The following PRDM16 variants were observed in gnomAD, a reference collection of about 807,000 sequenced individuals.
PRDM16 encodes histone-lysine N-methyltransferase PRDM16.
Under a neutral mutation model 110.6 loss-of-function variants are expected in PRDM16, and 23 were observed. That is an observed-to-expected ratio of 0.21 (90% CI 0.15 to 0.29). PRDM16 has a LOEUF of 0.29. Ranked by LOEUF, PRDM16 falls within the 10% of genes least tolerant of loss-of-function variation. The pLI, the probability that PRDM16 is intolerant of heterozygous loss-of-function variation, is 1.00. For synonymous variants in PRDM16, 799 were observed against 781.8 expected (o/e 1.02, Z -0.37); for missense variants, 1,615 against 1,794.3 (o/e 0.90, Z 1.81).
Position 3,432,151 on chromosome 1 carries a change from G to A in PRDM16, c.3696+11G>A, listed in dbSNP as rs775474986. Reference sequence around the variant, plus strand: ...CAGGCTAAGAACCAGGTAGGTACCCGCCAGAGCCCCTCCCCCACCCCACCT... The same window carrying A: ...CAGGCTAAGAACCAGGTAGGTACCCACCAGAGCCCCTCCCCCACCCCACCT... On this transcript the variant is annotated intron_variant, in intron 16 of 16. Transcript: ENST00000270722. The A allele has an allele frequency of 4.2e-5, 67 of 1,609,314 alleles. No individual in the cohort carries two copies. The East Asian group carries it at 5.4e-4, about 13-fold the overall frequency.
intron 8 of PRDM16, among the ~76,000 whole-genome samples, chr1:3,408,169 T>A (rs1643593247): frequency 6.6e-6 from 1 of 152,178 alleles, no homozygotes; most frequent in South Asian, 2.1e-4. Context: ...CAGGCGCTCA[T>A]GGCCAGACTC....
At chr1:3,368,845 T>G (rs1033583991) in intron 3 of PRDM16, among the ~76,000 whole-genome samples, 1 of 152,114 alleles carries the variant, frequency 6.6e-6, no homozygotes, top group African/African-American at 2.4e-5. Flanking sequence ...AAAATAGCAA[T>G]AGCAAAATCC....
rs546187086 is a variant in PRDM16 at position 3,090,624 on chromosome 1, C to G, written c.37+21328C>G. Among the ~76,000 whole-genome samples, 30 of 152,346 alleles carry G rather than the reference C, an allele frequency of 2.0e-4. No homozygotes were observed. In the South Asian group the frequency reaches 3.7e-3, roughly 19 times the overall value. ...CCACGCCCGAGGGCTTCTCACCTGA[C>G]TCTGTCCCTGGGCAGACTCGGCCAC... On this transcript the variant is annotated intron_variant, in intron 1 of 16. Transcript: ENST00000270722.
chr1:3,181,167 C>G (rs1644162290), intron 1 of PRDM16, among the ~76,000 whole-genome samples: 1 of 83,950 alleles, frequency 1.2e-5, no homozygotes, highest in Non-Finnish European at 2.8e-5. Flanking sequence ...TACACGCGGT[C>G]TTACGGTCTT....
chr1:3,248,098 C>T (rs1205557520), intron 3 of PRDM16, among the ~76,000 whole-genome samples: 3 of 152,210 alleles, frequency 2.0e-5, no homozygotes, highest in African/African-American at 4.8e-5. Flanking sequence ...GGATGGAAGA[C>T]ATTATTAAGG....
intron 2 of PRDM16, among the ~76,000 whole-genome samples, chr1:3,234,987 T>G (rs1006914674): frequency 2.6e-5 from 4 of 152,092 alleles, no homozygotes; most frequent in African/African-American, 9.7e-5. Context: ...AAAGTGTGAG[T>G]GGGTTGGGTC....
At chr1:3,237,650 C>T (rs1369648216) in intron 2 of PRDM16, among the ~76,000 whole-genome samples, 10 of 152,226 alleles carry the variant, frequency 6.6e-5, no homozygotes, top group Admixed American at 6.5e-4. Flanking sequence ...AAGAGCAGTG[C>T]CCATTCAATC....
rs1475589012 is a variant in PRDM16, at chr1:3,069,480, G to A, written c.37+184G>A. Among the ~76,000 whole-genome samples, 5 of 145,036 alleles carry A rather than the reference G, an allele frequency of 3.4e-5. No individual in the cohort carries two copies. The highest frequency in any genetic ancestry group is 6.1e-5 in the Non-Finnish European group (4 of 65,474). On this transcript the variant is annotated intron_variant, in intron 1 of 16. Coordinates refer to ENST00000270722, the MANE Select transcript of PRDM16 (RefSeq NM_022114.4). The surrounding 1 kb of genome is among the most constrained non-coding windows in gnomAD (Gnocchi z 6.1). The stretch of plus-strand genomic sequence containing the variant: ...CTCCGGGGCGACCGGGCTCGGCGCG[G>A]AGGCTCGGGGCGCCCGGGCCGCGCG...
Position 3,081,564 on chromosome 1 carries a change from C to G in PRDM16, c.37+12268C>G, listed in dbSNP as rs566545813. Among the ~76,000 whole-genome samples, 34 of 152,348 alleles carry G rather than the reference C, an allele frequency of 2.2e-4. No individual in the cohort carries two copies. The South Asian group carries it at 3.9e-3, about 18-fold the overall frequency. On this transcript the variant is annotated intron_variant, in intron 1 of 16. Transcript: ENST00000270722. The surrounding 1 kb of genome is among the most constrained non-coding windows in gnomAD (Gnocchi z 4.6). ...CAGAGTATAGGCTACTGCTTGGCATCACCTACAGGGATGGCGGCGGCCAGG... is the reference window on the plus strand; with the variant it reads ...CAGAGTATAGGCTACTGCTTGGCATGACCTACAGGGATGGCGGCGGCCAGG...
At chr1:3,225,037 G>T (rs1319393504) in intron 2 of PRDM16, among the ~76,000 whole-genome samples, 5 of 152,206 alleles carry the variant, frequency 3.3e-5, no homozygotes, top group Non-Finnish European at 7.3e-5. Context: ...TGGGGGCGAG[G>T]AGCGCCTTCA....
chr1:3,374,142 C>T (rs535814582), intron 3 of PRDM16, among the ~76,000 whole-genome samples: 6 of 152,166 alleles, frequency 3.9e-5, no homozygotes, highest in East Asian at 1.9e-4. Flanking sequence ...GGGTCCCAGC[C>T]GCTGACCGCC....
Position 3,192,985 on chromosome 1 carries a change from T to A in PRDM16, c.387+6511T>A, listed in dbSNP as rs138883969. 3.0e-3 allele frequency among the ~76,000 whole-genome samples: 452 copies of A among 151,976 alleles called. 4 individuals are homozygous for A. The highest frequency in any genetic ancestry group is 0.011 in the African/African-American group (438 of 41,414). The stretch of plus-strand genomic sequence containing the variant: ...CTGGTGATTCATGTGCACAGCTGAG[T>A]TTAGGAAGGACCCGGCCAGACAGCG... On this transcript the variant is annotated intron_variant, in intron 2 of 16. Coordinates refer to ENST00000270722, the MANE Select transcript of PRDM16 (RefSeq NM_022114.4).
chr1:3,069,979 A>C lies in PRDM16; in HGVS notation c.37+683A>C, dbSNP rs1223019338. Among the ~76,000 whole-genome samples the C allele has an allele frequency of 1.3e-5, 2 of 151,820 alleles. No individual in the cohort carries two copies. The highest frequency in any genetic ancestry group is 3.9e-4 in the East Asian group (2 of 5,074). On this transcript the variant is annotated intron_variant, in intron 1 of 16. Transcript: ENST00000270722. This position sits in a 1 kb window ranked among gnomAD's most constrained non-coding sequence, Gnocchi z 6.1. Reference sequence around the variant, plus strand: ...CCCGGGCTGGGAACTGTGGTCGTGAAGTTTATCCCCGGCTGTGCCCCGCGT... The same window carrying C: ...CCCGGGCTGGGAACTGTGGTCGTGACGTTTATCCCCGGCTGTGCCCCGCGT...
At chr1:3,119,914 G>A (rs1262305289) in intron 1 of PRDM16, among the ~76,000 whole-genome samples, 2 of 152,280 alleles carry the variant, frequency 1.3e-5, no homozygotes, top group Admixed American at 6.5e-5. Flanking sequence ...GGATCCCTGC[G>A]GCCCCACAGC....
intron 3 of PRDM16, among the ~76,000 whole-genome samples, chr1:3,247,250 A>G (rs1324246874): frequency 6.6e-6 from 1 of 152,160 alleles, no homozygotes; most frequent in Non-Finnish European, 1.5e-5. Context: ...CCTCAGTGAA[A>G]TGTGACGAAG....
intron 1 of PRDM16, among the ~76,000 whole-genome samples, chr1:3,179,926 C>T (rs1644131102): frequency 6.6e-6 from 1 of 152,088 alleles, no homozygotes; most frequent in Non-Finnish European, 1.5e-5. Context: ...CCCCAGGCTG[C>T]CACCGGATTT....
At chr1:3,357,564 C>G (rs952065037) in intron 3 of PRDM16, among the ~76,000 whole-genome samples, 40 of 139,240 alleles carry the variant, frequency 2.9e-4, no homozygotes, top group Non-Finnish European at 4.6e-4. Context: ...CCGTTCCCCC[C>G]ACGGGCCCCC....
rs1426727129 is a variant in PRDM16, at chr1:3,432,034, A to G, written c.3590A>G (p.Asp1197Gly). Residue 1197 changes from aspartate to glycine, a missense_variant, in exon 16 of 17, where the codon GAC (aspartate) becomes GGC (glycine). Physicochemically the swap from Asp to Gly is moderately conservative, Grantham distance 94. Transcript: ENST00000270722. ...EPMPTFGKGL[D>G]LRRAAEEAFE... Reference sequence around the variant, plus strand: ...ATGCCGACTTTTGGGAAGGGGCTGGACCTCCGCAGAGCAGCTGAGGAAGCA... The same window carrying G: ...ATGCCGACTTTTGGGAAGGGGCTGGGCCTCCGCAGAGCAGCTGAGGAAGCA... 3 of 1,614,034 alleles carry G rather than the reference A, an allele frequency of 1.9e-6. No individual in the cohort carries two copies. Among genetic ancestry groups the G allele is most frequent in the East Asian group, 2.2e-5 (1 of 44,874 alleles).
chr1:3,302,041 C>T (rs1217872236), intron 3 of PRDM16, among the ~76,000 whole-genome samples: 1 of 152,184 alleles, frequency 6.6e-6, no homozygotes, highest in Non-Finnish European at 1.5e-5. Context: ...TTATGCTCAG[C>T]TGCAGTTCTC....
Sources: gnomAD v4.1 joint callset for allele counts (sites outside exome capture counted in the v4.1 genomes callset) on GRCh38, gnomAD v4.1.1 for gene constraint, Gnocchi (gnomAD v3.1) non-coding constraint, MANE v1.5 for transcripts, NCBI Gene and HGNC (gene_info 2026-07-23, HGNC 2026-07-21) for gene names.